The following DYNC1I1 variants were observed in gnomAD, a reference collection of about 807,000 sequenced individuals.
The protein encoded by DYNC1I1 is cytoplasmic dynein 1 intermediate chain 1.
Under a neutral mutation model 86.6 loss-of-function variants are expected in DYNC1I1, and 43 were observed. The ratio of observed to expected loss-of-function variants is 0.50; its 90% CI spans 0.39 to 0.64. DYNC1I1 has a LOEUF of 0.64. Ranked by LOEUF, DYNC1I1 falls within the 30% of genes least tolerant of loss-of-function variation. The pLI is 0.00. For missense variants in DYNC1I1, 604 were observed against 788.8 expected, an observed-to-expected ratio of 0.77 and a Z score of 2.81; for synonymous variants, 262 against 283.7, an observed-to-expected ratio of 0.92 and a Z score of 0.77.
intron 14 of DYNC1I1, among the ~76,000 whole-genome samples, chr7:96,056,388 C>G (rs1324640449): frequency 1.3e-5 from 2 of 152,124 alleles, no homozygotes; most frequent in African/African-American, 4.8e-5. Context: ...ATGCTTTTCT[C>G]TAAGGATGAC....
At chr7:95,785,202 A>G (rs1794096608) in intron 1 of DYNC1I1, among the ~76,000 whole-genome samples, 2 of 152,140 alleles carry the variant, frequency 1.3e-5, no homozygotes, top group Admixed American at 1.3e-4. Context: ...GCTTGAGTTC[A>G]GGAGTTCGAG....
intron 4 of DYNC1I1, among the ~76,000 whole-genome samples, chr7:95,822,090 A>T (rs1035374315): frequency 1.3e-5 from 2 of 152,344 alleles, no homozygotes; most frequent in Admixed American, 6.5e-5. Flanking sequence ...TTGACCACTC[A>T]TCAGAGTGCA....
chr7:96,028,376 T>A, intron 11 of DYNC1I1, 55 bp downstream of exon 11: 2 of 1,557,180 alleles, frequency 1.3e-6, no homozygotes, highest in Admixed American at 3.6e-5. Context: ...AAAGAGAAAA[T>A]AACTCTACTC....
chr7:95,998,924 T>C (rs915884247), intron 10 of DYNC1I1, among the ~76,000 whole-genome samples: 10 of 152,324 alleles, frequency 6.6e-5, no homozygotes, highest in Non-Finnish European at 8.8e-5. Flanking sequence ...TTTTAGTATA[T>C]AGTTTCATTT....
chr7:95,851,121 G>C lies in DYNC1I1; in HGVS notation c.375-18762G>C, dbSNP rs77813667. The stretch of plus-strand genomic sequence containing the variant: ...GGCTAATTTTTTGATTTTTTGAACA[G>C]AAGAGGTCTCACTTTGTTGCCCAGG... On this transcript the variant is annotated intron_variant, in intron 5 of 16. Coordinates refer to ENST00000447467, the MANE Select transcript of DYNC1I1 (RefSeq NM_001135556.2). Among the ~76,000 whole-genome samples the C allele has an allele frequency of 3.8e-3, 576 of 152,066 alleles. 4 individuals are homozygous for C. Among genetic ancestry groups the C allele is most frequent in the African/African-American group, 0.013 (549 of 41,518 alleles).
intron 6 of DYNC1I1, among the ~76,000 whole-genome samples, chr7:95,969,517 C>T (rs965123213): frequency 4.6e-5 from 7 of 152,196 alleles, no homozygotes; most frequent in African/African-American, 1.7e-4. Flanking sequence ...TCCACAGACT[C>T]CCACCTGAGT....
chr7:95,793,271 T>C (rs78881085), intron 1 of DYNC1I1, among the ~76,000 whole-genome samples: 114 of 151,150 alleles, frequency 7.5e-4, no homozygotes, highest in Non-Finnish European at 1.4e-3. Context: ...GACTTGAAAA[T>C]TGGTTGTGGG....
At chr7:95,954,915 C>CAAAAAAAAAAAAAAAAAAAAA (rs58435060) in intron 6 of DYNC1I1, among the ~76,000 whole-genome samples, 1 of 81,860 alleles carries the variant, frequency 1.2e-5, no homozygotes, top group Non-Finnish European at 2.2e-5. Flanking sequence ...GACTCTGTCT[C>CAAAAAAAAAAAAAAAAAAAAA]AAAAAAAAAA....
chr7:95,822,904 G>T (rs570066282), intron 4 of DYNC1I1, among the ~76,000 whole-genome samples: 1 of 152,154 alleles, frequency 6.6e-6, no homozygotes, highest in Non-Finnish European at 1.5e-5. Flanking sequence ...GGAGACTTGG[G>T]TAGCAGTGAG....
chr7:96,101,381 AAC>A (rs1791133989), downstream of DYNC1I1, among the ~76,000 whole-genome samples: 1 of 152,138 alleles, frequency 6.6e-6, no homozygotes, highest in Admixed American at 6.5e-5. Context: ...CCAATCCAGA[AAC>A]CATTGACTGA....
intron 15 of DYNC1I1, among the ~76,000 whole-genome samples, chr7:96,078,467 C>CTGTG (rs1790410380): frequency 6.6e-6 from 1 of 151,982 alleles, no homozygotes; most frequent in Admixed American, 6.5e-5. Context: ...TTTTCTAGCG[C>CTGTG]ATAATATAGG....
intron 3 of DYNC1I1, 36 bp from the exon 4 acceptor site, chr7:95,813,211 T>G (rs1794869847): frequency 6.2e-7 from 1 of 1,612,992 alleles, no homozygotes; most frequent in Non-Finnish European, 8.5e-7. Context: ...CCGCTGCATT[T>G]TTTAACATGG....
chr7:96,102,026 G>A (rs893515993), downstream of DYNC1I1, among the ~76,000 whole-genome samples: 4 of 151,734 alleles, frequency 2.6e-5, no homozygotes, highest in African/African-American at 7.3e-5. Flanking sequence ...GCTCAACCAA[G>A]TAAGATCACT....
chr7:95,813,230 T>C lies in DYNC1I1; in HGVS notation c.224-17T>C. 6.2e-7 allele frequency: 1 copy of C among 1,613,320 alleles called. No individual in the cohort carries two copies. Among genetic ancestry groups the C allele is most frequent in the Non-Finnish European group, 8.5e-7 (1 of 1,179,578 alleles). Reference sequence around the variant, plus strand: ...TGCATTTTTTAACATGGGATACCTGTTATTTTCATTATTTAGTCCCAACCC... The same window carrying C: ...TGCATTTTTTAACATGGGATACCTGCTATTTTCATTATTTAGTCCCAACCC... On this transcript the variant is annotated splice_polypyrimidine_tract_variant and intron_variant, in intron 3 of 16. Transcript: ENST00000447467.
Position 95,782,459 on chromosome 7 carries a change from G to A in DYNC1I1, c.-10+9686G>A, listed in dbSNP as rs184697837. Among the ~76,000 whole-genome samples the A allele has an allele frequency of 1.6e-3, 250 of 152,292 alleles. 1 individual carries two copies. Among genetic ancestry groups the A allele is most frequent in the African/African-American group, 5.9e-3 (244 of 41,552 alleles). ...GCCATTTGTGGGACTTGCAATAGAG[G>A]TGTTGCTCATTTGCTCAGCCACTGC... On this transcript the variant is annotated intron_variant, in intron 1 of 16. Coordinates refer to ENST00000447467, the MANE Select transcript of DYNC1I1 (RefSeq NM_001135556.2).
At chr7:95,934,048 T>C (rs1791973992) in intron 6 of DYNC1I1, among the ~76,000 whole-genome samples, 1 of 152,132 alleles carries the variant, frequency 6.6e-6, no homozygotes, top group Non-Finnish European at 1.5e-5. Flanking sequence ...ATGTAAGTGC[T>C]AGCAATAATT....
chr7:95,957,789 G>T, intron 6 of DYNC1I1, among the ~76,000 whole-genome samples: 1 of 152,222 alleles, frequency 6.6e-6, no homozygotes, highest in East Asian at 1.9e-4. Context: ...GGCTCTGAAA[G>T]GGGTGAAGAG....
chr7:95,841,603 G>A (rs1789283941), intron 5 of DYNC1I1, among the ~76,000 whole-genome samples: 2 of 152,166 alleles, frequency 1.3e-5, no homozygotes, highest in South Asian at 4.1e-4. Flanking sequence ...AAAAATCAGA[G>A]CATTTGTTGT....
chr7:95,836,266 A>C (rs1312828519), intron 5 of DYNC1I1, among the ~76,000 whole-genome samples: 7 of 152,040 alleles, frequency 4.6e-5, no homozygotes, highest in Non-Finnish European at 1.0e-4. Context: ...TTCTGGGTTG[A>C]AAATTCTTTA....
Sources: allele counts gnomAD v4.1 joint callset (sites outside exome capture counted in the v4.1 genomes callset), GRCh38; gene constraint gnomAD v4.1.1; transcripts MANE v1.5; gene names NCBI Gene and HGNC (gene_info 2026-07-23, HGNC 2026-07-21).